Variants in CACUL1 observed in about 807,000 individuals in gnomAD.
The protein encoded by CACUL1 is CDK2-associated and cullin domain-containing protein 1.
A neutral mutation model predicts 45.2 loss-of-function variants in CACUL1; 13 were observed. The ratio of observed to expected loss-of-function variants is 0.29; its 90% CI spans 0.19 to 0.46. The LOEUF (loss-of-function observed/expected upper bound fraction) is 0.46. CACUL1 is among the 20% of genes least tolerant of loss of function. CACUL1 has a pLI of 1.00. For missense variants in CACUL1, 421 were observed against 471.4 expected (o/e 0.89, Z 0.99); for synonymous variants, 197 against 174.2 (o/e 1.13, Z -1.03).
rs1845135355 is a variant in CACUL1 at position 118,679,759 on chromosome 10, T to TA, written c.*6368dup. On this transcript the variant is annotated 3_prime_UTR_variant, in exon 9 of 9. Coordinates refer to ENST00000369151, the MANE Select transcript of CACUL1 (RefSeq NM_153810.5). ...GTCTTGAACTCCTGACCTCAAATGA[T>TA]ACGCCCACCTCAGCCTCCCAAAGGG... 1 of 152,202 alleles carries TA rather than the reference T, an allele frequency of 6.6e-6. No homozygotes were observed. Among genetic ancestry groups the TA allele is most frequent in the Non-Finnish European group, 1.5e-5 (1 of 68,084 alleles). 9.4% of individuals were successfully genotyped at this position (152,202 alleles called of 1,614,324 possible). A position where few individuals can be genotyped will look rare whatever the true frequency, so the allele number is the denominator to read the frequency against.
In CACUL1 at chr10:118,683,715, C is replaced by G. The variant is rs1564826252; in HGVS notation, c.*2413G>C. On this transcript the variant is annotated 3_prime_UTR_variant, in exon 9 of 9. Transcript: ENST00000369151. ...ATCTCAAAAACAAAATATAAGAAAA[C>G]AGAAGAAAACAGTTTCTGGCAAACA... is the stretch of plus-strand genomic sequence containing the variant. 6.6e-6 allele frequency: 1 copy of G among 151,852 alleles called. No individual in the cohort carries two copies. The highest frequency in any genetic ancestry group is 1.5e-5 in the Non-Finnish European group (1 of 67,948). 9.4% of individuals were successfully genotyped at this position (151,852 alleles called of 1,614,324 possible).
rs34473974 is a variant in CACUL1 at position 118,683,389 on chromosome 10, C to CAAAAAAAA, written c.*2731_*2738dup. 12 of 105,708 alleles carry CAAAAAAAA rather than the reference C, an allele frequency of 1.1e-4. No homozygotes were observed. The highest frequency in any genetic ancestry group is 3.2e-4 in the Admixed American group (3 of 9,378). 6.5% of individuals were successfully genotyped at this position (105,708 alleles called of 1,614,324 possible). A position where few individuals can be genotyped will look rare whatever the true frequency, so the allele number is the denominator to read the frequency against. ...ACCATATACTGTACTGGCAAGAATA[C>CAAAAAAAA]AAAAAAAAAAAAAAAAAAGGCCAGG... On this transcript the variant is annotated 3_prime_UTR_variant, in exon 9 of 9. Transcript: ENST00000369151.
At chr10:118,686,826 G>A in intron 7 of CACUL1, 185 bp from the exon 8 acceptor site, 1 of 600,618 alleles carries the variant, frequency 1.7e-6, no homozygotes. Flanking sequence ...GGAAGAACAT[G>A]AGCCTTTACC....
In CACUL1 at chr10:118,677,627, T is replaced by TG. The variant is rs1845110762; in HGVS notation, c.*8500dup. ...TTTGAACTTTACATAAAGGTACCCA[T>TG]GCTGGCTCTATTCTGACTTCACTCA... is the stretch of plus-strand genomic sequence containing the variant. On this transcript the variant is annotated 3_prime_UTR_variant, in exon 9 of 9. Coordinates refer to ENST00000369151, the MANE Select transcript of CACUL1 (RefSeq NM_153810.5). 6.6e-6 allele frequency: 1 copy of TG among 152,270 alleles called. No homozygotes were observed. Among genetic ancestry groups the TG allele is most frequent in the Non-Finnish European group, 1.5e-5 (1 of 68,054 alleles). The allele number at this position is 152,270 out of a possible 1,614,324, so 9.4% of individuals were successfully genotyped here.
intron 1 of CACUL1, among the ~76,000 whole-genome samples, chr10:118,749,544 C>T (rs966352603): frequency 6.6e-6 from 1 of 152,210 alleles, no homozygotes; most frequent in Non-Finnish European, 1.5e-5. Context: ...TGAGCCTATT[C>T]ACAGACACAG....
At chr10:118,689,166 T>C (rs2119544913) in intron 7 of CACUL1, among the ~76,000 whole-genome samples, 1 of 152,238 alleles carries the variant, frequency 6.6e-6, no homozygotes, top group East Asian at 1.9e-4. Context: ...TTCTAAAATA[T>C]TATTCCTAAT....
At chr10:118,718,324 G>C (rs1479994310) in intron 3 of CACUL1, among the ~76,000 whole-genome samples, 1 of 152,144 alleles carries the variant, frequency 6.6e-6, no homozygotes, top group African/African-American at 2.4e-5. Flanking sequence ...CAGGGTGTGT[G>C]GGGGGCAGGA....
At chr10:118,730,857 T>C (rs781251546) in intron 1 of CACUL1, among the ~76,000 whole-genome samples, 70 of 152,260 alleles carry the variant, frequency 4.6e-4, no homozygotes, top group Non-Finnish European at 2.8e-4. Flanking sequence ...GAAATGTGCC[T>C]AAGGACAGGA....
intron 3 of CACUL1, among the ~76,000 whole-genome samples, chr10:118,712,228 A>G (rs890179005): frequency 5.3e-5 from 8 of 152,110 alleles, no homozygotes; most frequent in African/African-American, 1.9e-4. Context: ...TGCCCACTCG[A>G]CCTGGCAGGC....
chr10:118,693,866 T>G, intron 6 of CACUL1: 1 of 399,694 alleles, frequency 2.5e-6, no homozygotes, highest in South Asian at 1.8e-5. Context: ...GATCCAAATT[T>G]AACAATAAAT....
rs549115171 is a variant in CACUL1, at chr10:118,705,856, G to A, written c.693+1636C>T. The stretch of plus-strand genomic sequence containing the variant: ...CAACAAAACAGTACCAAAGTTCAAA[G>A]AATTTCTATCTTCTGGACAATAAAA... On this transcript the variant is annotated intron_variant, in intron 4 of 8. Coordinates refer to ENST00000369151, the MANE Select transcript of CACUL1 (RefSeq NM_153810.5). 3.1e-3 allele frequency among the ~76,000 whole-genome samples: 475 copies of A among 152,226 alleles called. 2 individuals are homozygous for A. The highest frequency in any genetic ancestry group is 0.01 in the Middle Eastern group (3 of 292).
rs773600997 is a variant in CACUL1, at chr10:118,695,138, T to C, written c.886+3A>G. 4.6e-6 allele frequency: 7 copies of C among 1,537,336 alleles called. No individual in the cohort carries two copies. Among genetic ancestry groups the C allele is most frequent in the African/African-American group, 1.4e-5 (1 of 73,288 alleles). On this transcript the variant is annotated splice_donor_region_variant and intron_variant, in intron 6 of 8. Coordinates refer to ENST00000369151, the MANE Select transcript of CACUL1 (RefSeq NM_153810.5). The stretch of plus-strand genomic sequence containing the variant: ...AATCCCAACAGAAATGAGAAATGTT[T>C]ACCTGGTCTGAGGGTATACAGGCCT...
At chr10:118,695,902 A>G (rs913192465) in intron 5 of CACUL1, among the ~76,000 whole-genome samples, 6 of 147,512 alleles carry the variant, frequency 4.1e-5, no homozygotes, top group African/African-American at 1.6e-4. Context: ...ATAAGTGAAC[A>G]CAACAGATAC....
chr10:118,716,986 G>T (rs1209504184), intron 3 of CACUL1, among the ~76,000 whole-genome samples: 1 of 152,138 alleles, frequency 6.6e-6, no homozygotes, highest in East Asian at 1.9e-4. Context: ...ATTTCCATAC[G>T]CCAGTGGACC....
At chr10:118,716,563 G>T (rs1845547430) in intron 3 of CACUL1, among the ~76,000 whole-genome samples, 1 of 151,120 alleles carries the variant, frequency 6.6e-6, no homozygotes, top group African/African-American at 2.4e-5. Context: ...TAGCATTCCA[G>T]CTGTGCAAAT....
intron 5 of CACUL1, among the ~76,000 whole-genome samples, chr10:118,698,099 T>C (rs1466542389): frequency 6.6e-6 from 1 of 152,004 alleles, no homozygotes; most frequent in African/African-American, 2.4e-5. Context: ...TACATTTTTG[T>C]GTTGTTTTTA....
chr10:118,745,547 T>G (rs28820313), intron 1 of CACUL1, among the ~76,000 whole-genome samples: 1 of 151,402 alleles, frequency 6.6e-6, no homozygotes, highest in East Asian at 1.9e-4. Context: ...GGCGACAGAG[T>G]GAGACTCCGT....
intron 1 of CACUL1, among the ~76,000 whole-genome samples, chr10:118,742,449 C>A (rs1845800951): frequency 6.6e-6 from 1 of 152,166 alleles, no homozygotes; most frequent in African/African-American, 2.4e-5. Flanking sequence ...CTTAAGTAAA[C>A]ATTAAAATGC....
chr10:118,736,037 T>TGAATGTTCCAGCA (rs1331814439), intron 1 of CACUL1, among the ~76,000 whole-genome samples: 1 of 152,190 alleles, frequency 6.6e-6, no homozygotes, highest in African/African-American at 2.4e-5. Context: ...TAAATCTGCC[T>TGAATGTTCCAGCA]GAATGTTCCA....
Sources: allele counts gnomAD v4.1 joint callset (sites outside exome capture counted in the v4.1 genomes callset), GRCh38; gene constraint gnomAD v4.1.1; transcripts MANE v1.5; gene names NCBI Gene and HGNC (gene_info 2026-07-23, HGNC 2026-07-21).